ADAMTSL3: variants seen among roughly 807,000 people sequenced by gnomAD.
The protein encoded by ADAMTSL3 is ADAMTS like 3.
A neutral mutation model predicts 201.7 loss-of-function variants in ADAMTSL3; 128 were observed. The ratio of observed to expected loss-of-function variants is 0.63; its 90% confidence interval spans 0.55 to 0.73. The LOEUF (loss-of-function observed/expected upper bound fraction) is 0.73, where lower values mean the gene tolerates loss of function less well. ADAMTSL3 is among the 30% of genes least tolerant of loss of function. ADAMTSL3 has a pLI of 0.00. For missense variants in ADAMTSL3, 1,990 were observed against 2,119.6 expected (o/e 0.94, Z 1.20); for synonymous variants, 738 against 748.4 (o/e 0.99, Z 0.23).
rs557886174 is a variant in ADAMTSL3 at position 83,889,995 on chromosome 15, C to A, written c.1073-114C>A. The A allele has an allele frequency of 6.8e-5, 78 of 1,153,514 alleles. No homozygotes were observed. In the South Asian group the frequency reaches 1.1e-3, roughly 16 times the overall value. The allele number at this position is 1,153,514 out of a possible 1,614,324, so 71.5% of individuals were successfully genotyped here. ...TCTGTTATAGAGCCAGGGTTGAGAA[C>A]CACTGAGTTAAGTTTCTTAAAGAGG... On this transcript the variant is annotated intron_variant, in intron 10 of 29. Transcript: ENST00000286744.
intron 6 of ADAMTSL3, among the ~76,000 whole-genome samples, chr15:83,836,006 A>G (rs892180169): frequency 6.6e-6 from 1 of 152,252 alleles, no homozygotes; most frequent in African/African-American, 2.4e-5. Context: ...GTATCACCTC[A>G]TGACAAAATT....
chr15:83,722,306 A>G (rs1373829314), intron 3 of ADAMTSL3, among the ~76,000 whole-genome samples: 10 of 152,202 alleles, frequency 6.6e-5, no homozygotes, highest in Non-Finnish European at 2.9e-5. Context: ...AGTACTCACA[A>G]AAGAGAGAAG....
In ADAMTSL3 at chr15:83,874,739, T is replaced by G. The variant is rs1214459112; in HGVS notation, c.960+3780T>G. On this transcript the variant is annotated intron_variant, in intron 9 of 29. Coordinates refer to ENST00000286744, the MANE Select transcript of ADAMTSL3 (RefSeq NM_207517.3). ...ACGTGCAGCAAGACAAGAATGACAG[T>G]GTCGAGGGACTAGGGGAAAGATAGT... 1.4e-5 allele frequency among the ~76,000 whole-genome samples: 2 copies of G among 141,378 alleles called. 1 individual carries two copies. The highest frequency in any genetic ancestry group is 4.8e-4 in the East Asian group (2 of 4,186). The allele number at this position is 141,378 out of a possible 152,430, so 92.7% of individuals were successfully genotyped here. A position where few individuals can be genotyped will look rare whatever the true frequency, so the allele number is the denominator to read the frequency against.
At chr15:83,697,747 T>C (rs1025236344) in intron 2 of ADAMTSL3, among the ~76,000 whole-genome samples, 3 of 152,144 alleles carry the variant, frequency 2.0e-5, no homozygotes, top group African/African-American at 7.2e-5. Flanking sequence ...CCAATCCTTC[T>C]GAGTTTTCAT....
At chr15:83,733,330 G>A (rs1364804433) in intron 3 of ADAMTSL3, among the ~76,000 whole-genome samples, 1 of 152,166 alleles carries the variant, frequency 6.6e-6, no homozygotes, top group Non-Finnish European at 1.5e-5. Flanking sequence ...CTATCGTAGA[G>A]GTGTTGACAG....
chr15:84,021,379 G>T lies in ADAMTSL3; in HGVS notation c.4274-31G>T, dbSNP rs376754040. On this transcript the variant is annotated intron_variant, in intron 25 of 29. Coordinates refer to ENST00000286744, the MANE Select transcript of ADAMTSL3 (RefSeq NM_207517.3). ...AGCTCGTCGTCATTTCTCTTTTGGG[G>T]CTGGCATGATATTTTGTTTTCTTTC... The T allele has an allele frequency of 5.6e-6, 9 of 1,612,146 alleles. No homozygotes were observed. In the East Asian group the frequency reaches 1.1e-4, roughly 20 times the overall value.
intron 19 of ADAMTSL3, among the ~76,000 whole-genome samples, chr15:83,966,751 T>C (rs1309657211): frequency 6.6e-6 from 1 of 152,082 alleles, no homozygotes; most frequent in Non-Finnish European, 1.5e-5. Flanking sequence ...CAGGCCAATA[T>C]CCCTGATGAA....
rs926377058 is a variant in ADAMTSL3 at position 84,031,387 on chromosome 15, C to T, written c.4709C>T (p.Ala1570Val). The T allele has an allele frequency of 6.2e-7, 1 of 1,614,118 alleles. No individual in the cohort carries two copies. Among genetic ancestry groups the T allele is most frequent in the African/African-American group, 1.3e-5 (1 of 75,042 alleles). ...GTGAGGATGCAGCAGCGTCACACAG[C>T]TTGTCAACACAACAGCTCTGACTCC... is the stretch of plus-strand genomic sequence containing the variant. ...RAVRMQQRHT[A>V]CQHNSSDSNC... The change falls in exon 28 of 30, where the codon GCT becomes GTT. Residue 1570 changes from alanine to valine, a missense_variant. Coordinates refer to ENST00000286744, the MANE Select transcript of ADAMTSL3 (RefSeq NM_207517.3).
At chr15:83,836,043 G>A (rs1567178623) in intron 6 of ADAMTSL3, among the ~76,000 whole-genome samples, 2 of 152,134 alleles carry the variant, frequency 1.3e-5, no homozygotes, top group African/African-American at 2.4e-5. Flanking sequence ...GAAATAATGT[G>A]TACAATATTC....
At chr15:83,771,376 G>A (rs950719532) in intron 3 of ADAMTSL3, among the ~76,000 whole-genome samples, 1 of 152,124 alleles carries the variant, frequency 6.6e-6, no homozygotes, top group Non-Finnish European at 1.5e-5. Flanking sequence ...ATGTTGAAAA[G>A]CAGATCTCTA....
intron 6 of ADAMTSL3, among the ~76,000 whole-genome samples, chr15:83,825,106 C>T (rs2063993281): frequency 6.6e-6 from 1 of 152,060 alleles, no homozygotes; most frequent in Non-Finnish European, 1.5e-5. Flanking sequence ...TTTTGGCAAC[C>T]AAAAGTAGAC....
chr15:83,875,717 A>C (rs1225814270), intron 9 of ADAMTSL3, among the ~76,000 whole-genome samples: 1 of 152,168 alleles, frequency 6.6e-6, no homozygotes. Context: ...CGGGAAGTGG[A>C]GGTTGCAGTG....
chr15:83,786,464 A>T (rs902375063), intron 4 of ADAMTSL3, among the ~76,000 whole-genome samples: 2 of 152,144 alleles, frequency 1.3e-5, no homozygotes, highest in African/African-American at 4.8e-5. Flanking sequence ...CATTCTAATT[A>T]TACTCTTTTA....
chr15:84,016,468 C>G lies in ADAMTSL3; in HGVS notation c.4242C>G (p.Ser1414Arg), dbSNP rs1333611781. Residue 1414 changes from serine to arginine, a missense_variant, in exon 25 of 30, where the codon AGC becomes AGG. By Grantham distance (110) the Ser-to-Arg change is moderately radical. Transcript: ENST00000286744. ...ILQATNTRTN[S>R]NDPTGEPPPQ... ...AGGCAACCAACACTAGAACCAACAG[C>G]AATGACCCAACAGGAGAACCCCCGC... The G allele has an allele frequency of 1.9e-6, 3 of 1,613,736 alleles. No homozygotes were observed. The highest frequency in any genetic ancestry group is 2.2e-5 in the South Asian group (2 of 91,040).
intron 19 of ADAMTSL3, among the ~76,000 whole-genome samples, chr15:83,944,959 A>G (rs1207260738): frequency 6.6e-6 from 1 of 152,194 alleles, no homozygotes; most frequent in African/African-American, 2.4e-5. Context: ...CTGTACATAT[A>G]TCCAGATTGG....
intron 1 of ADAMTSL3, among the ~76,000 whole-genome samples, chr15:83,655,261 C>G (rs1407915965): frequency 6.6e-6 from 1 of 152,190 alleles, no homozygotes; most frequent in East Asian, 1.9e-4. Context: ...CTTGAACTAT[C>G]AGAAGATCTG....
intron 4 of ADAMTSL3, among the ~76,000 whole-genome samples, chr15:83,803,072 G>T (rs2063549042): frequency 1.3e-5 from 2 of 152,216 alleles, no homozygotes; most frequent in East Asian, 1.9e-4. Flanking sequence ...TTTTTCCAAA[G>T]AATTATCATT....
intron 3 of ADAMTSL3, among the ~76,000 whole-genome samples, chr15:83,752,051 G>A (rs181864511): frequency 6.6e-6 from 1 of 152,160 alleles, no homozygotes; most frequent in African/African-American, 2.4e-5. Context: ...AATACCATTT[G>A]CTTTGGCTAC....
At chr15:83,761,540 T>G (rs937923085) in intron 3 of ADAMTSL3, among the ~76,000 whole-genome samples, 2 of 152,198 alleles carry the variant, frequency 1.3e-5, no homozygotes, top group African/African-American at 4.8e-5. Flanking sequence ...TGGAGGACAT[T>G]TTTGCTTTTG....
Sources: gnomAD v4.1 joint callset for allele counts (sites outside exome capture counted in the v4.1 genomes callset) on GRCh38, gnomAD v4.1.1 for gene constraint, MANE v1.5 for transcripts, NCBI Gene and HGNC (gene_info 2026-07-23, HGNC 2026-07-21) for gene names.